AKAP6: variants seen among roughly 807,000 people sequenced by gnomAD.
AKAP6 encodes A-kinase anchor protein 6.
A neutral mutation model predicts 188.5 loss-of-function variants in AKAP6; 58 were observed. The observed-to-expected ratio is 0.31, with a 90% CI of 0.25 to 0.38. The LOEUF (loss-of-function observed/expected upper bound fraction) is 0.38, where lower values mean the gene tolerates loss of function less well. Among genes scored for constraint, AKAP6 ranks in the 10% least tolerant of loss-of-function variants. The pLI is 1.00. For synonymous variants in AKAP6, 989 were observed against 998.6 expected, an observed-to-expected ratio of 0.99 and a Z score of 0.18; for missense variants, 2,710 against 2,740.0, an observed-to-expected ratio of 0.99 and a Z score of 0.24.
chr14:32,724,369 T>C (rs1469785704), intron 9 of AKAP6, among the ~76,000 whole-genome samples: 12 of 152,192 alleles, frequency 7.9e-5, no homozygotes, highest in African/African-American at 2.9e-4. Flanking sequence ...TTCTAAATGA[T>C]TGCATCCATC....
At chr14:32,602,175 A>T (rs756043548) in intron 7 of AKAP6, among the ~76,000 whole-genome samples, 4 of 152,180 alleles carry the variant, frequency 2.6e-5, no homozygotes, top group Non-Finnish European at 5.9e-5. Context: ...GGAGAAGTTC[A>T]CTGGGCTAAT....
chr14:32,681,677 A>ATTTT (rs34833229), intron 8 of AKAP6, among the ~76,000 whole-genome samples: 19 of 138,192 alleles, frequency 1.4e-4, no homozygotes, highest in African/African-American at 4.9e-4. Flanking sequence ...AATTTGACAA[A>ATTTT]TTTTTTTTTT....
intron 12 of AKAP6, among the ~76,000 whole-genome samples, chr14:32,815,240 T>A (rs1410088487): frequency 1.3e-5 from 2 of 152,220 alleles, no homozygotes; most frequent in Non-Finnish European, 1.5e-5. Flanking sequence ...TGTTTTGAGT[T>A]TCTGATCAGC....
intron 2 of AKAP6, among the ~76,000 whole-genome samples, chr14:32,447,142 A>C (rs976314029): frequency 1.4e-4 from 21 of 152,160 alleles, no homozygotes; most frequent in Middle Eastern, 3.2e-3. Context: ...CTACTTAAAA[A>C]ACTTCATGCA....
chr14:32,600,594 C>T (rs367830427), intron 6 of AKAP6, 35 bp from the exon 7 acceptor site: 3 of 1,565,750 alleles, frequency 1.9e-6, no homozygotes, highest in Admixed American at 1.8e-5. Flanking sequence ...TTCATTCAGG[C>T]CCACAACTTC....
chr14:32,825,001 G>A (rs1305498648), intron 13 of AKAP6, among the ~76,000 whole-genome samples, 186 bp downstream of exon 13: 1 of 151,856 alleles, frequency 6.6e-6, no homozygotes, highest in South Asian at 2.1e-4. Flanking sequence ...AAAAAAACAG[G>A]GAAAATTGAC....
intron 7 of AKAP6, among the ~76,000 whole-genome samples, chr14:32,676,630 T>C (rs1889437645): frequency 6.6e-6 from 1 of 152,224 alleles, no homozygotes. Flanking sequence ...GTCAATTAGT[T>C]TGGGCAAGAA....
chr14:32,772,777 A>C (rs1369628744), intron 11 of AKAP6, among the ~76,000 whole-genome samples: 1 of 152,254 alleles, frequency 6.6e-6, no homozygotes, highest in Non-Finnish European at 1.5e-5. Context: ...GCACTCTGTT[A>C]ACTGTTAGAA....
chr14:32,656,074 A>G (rs1248163548), intron 7 of AKAP6, among the ~76,000 whole-genome samples: 3 of 152,310 alleles, frequency 2.0e-5, no homozygotes, highest in African/African-American at 4.8e-5. Flanking sequence ...GTGATAAAGT[A>G]AGTATTAAAA....
chr14:32,800,377 G>A (rs1218184910), intron 12 of AKAP6, among the ~76,000 whole-genome samples: 1 of 151,472 alleles, frequency 6.6e-6, no homozygotes, highest in African/African-American at 2.4e-5. Context: ...AGTCCAGCCT[G>A]GTCAGCAGAG....
At chr14:32,636,499 A>T (rs10141225) in intron 7 of AKAP6, among the ~76,000 whole-genome samples, 70,642 of 151,834 alleles carry the variant, frequency 0.47, 16,857 homozygotes, top group Admixed American at 0.58. Context: ...TGGTTCAAAG[A>T]TGGGAAAGTT....
chr14:32,824,630 G>A lies in AKAP6; in HGVS notation c.6817G>A (p.Ala2273Thr). The A allele has an allele frequency of 2.5e-6, 4 of 1,613,892 alleles. No individual in the cohort carries two copies. The highest frequency in any genetic ancestry group is 3.4e-6 in the Non-Finnish European group (4 of 1,179,916). The change falls in exon 13 of 14, where the codon GCC becomes ACC. Residue 2273 changes from alanine (A) to threonine (T), a missense_variant. Physicochemically the swap from Ala to Thr is moderately conservative, Grantham distance 58. Around this residue, in one of 2 missense-constraint regions of AKAP6, gnomAD observed 2,473 missense variants for 2,426.1 expected, o/e 1.02. Transcript: ENST00000280979. ...GCCAGAAGAACATAATGCTGCTTCA[G>A]CCAAATCTAAAGTTCAAGACCTCTC... ...GMPEEHNAAS[A>T]KSKVQDLSLK...
At chr14:32,710,687 C>T (rs1214714238) in intron 9 of AKAP6, among the ~76,000 whole-genome samples, 1 of 152,018 alleles carries the variant, frequency 6.6e-6, no homozygotes, top group African/African-American at 2.4e-5. Flanking sequence ...ATCATTGAAA[C>T]ATTTTAGGCT....
chr14:32,748,860 A>G (rs1374993182), intron 11 of AKAP6, among the ~76,000 whole-genome samples: 1 of 152,134 alleles, frequency 6.6e-6, no homozygotes, highest in Admixed American at 6.5e-5. Flanking sequence ...TTTCTACTCC[A>G]ACTTCTGTCT....
In AKAP6 at chr14:32,662,042, T is replaced by G. The variant is rs145793837; in HGVS notation, c.2731-16269T>G. ...GTACCTAGTGAACAGTGAACTGAAG[T>G]AGGTGAACCCAGGATTACCACAGCC... On this transcript the variant is annotated intron_variant, in intron 7 of 13. Transcript: ENST00000280979. 6.8e-3 allele frequency among the ~76,000 whole-genome samples: 1,042 copies of G among 152,182 alleles called. 14 individuals carry two copies. Among genetic ancestry groups the G allele is most frequent in the African/African-American group, 0.023 (975 of 41,518 alleles).
intron 1 of AKAP6, chr14:32,433,150 T>C: frequency 4.3e-6 from 1 of 233,192 alleles, no homozygotes; most frequent in Non-Finnish European, 8.5e-6. Context: ...GAATGTAGTT[T>C]TAAATTCTGT....
intron 1 of AKAP6, among the ~76,000 whole-genome samples, chr14:32,432,063 T>TC (rs1305914655): frequency 6.6e-6 from 1 of 152,170 alleles, no homozygotes; most frequent in African/African-American, 2.4e-5. Context: ...ATTTTGCTTT[T>TC]CTTTTTTTTT....
chr14:32,343,301 T>G (rs1178699132), intron 1 of AKAP6, among the ~76,000 whole-genome samples: 1 of 151,838 alleles, frequency 6.6e-6, no homozygotes, highest in Non-Finnish European at 1.5e-5. Flanking sequence ...ATACAGGAGG[T>G]GCTCTGGAGT....
At chr14:32,451,002 A>G (rs12587350) in intron 2 of AKAP6, among the ~76,000 whole-genome samples, 6,920 of 152,230 alleles carry the variant, frequency 0.045, 160 homozygotes, top group East Asian at 0.1. Flanking sequence ...TGTTTTATCT[A>G]TCTAATATCT....
Sources: allele counts gnomAD v4.1 joint callset (sites outside exome capture counted in the v4.1 genomes callset), GRCh38; gene constraint gnomAD v4.1.1; regional missense constraint gnomAD v4.1.1; transcripts MANE v1.5; gene names NCBI Gene and HGNC (gene_info 2026-07-23, HGNC 2026-07-21).